CTNNB1: variants seen among roughly 807,000 people sequenced by gnomAD.
CTNNB1 encodes the protein catenin beta-1.
In CTNNB1, 6 loss-of-function variants were observed where a neutral mutation model predicts 82.5. The ratio of observed to expected loss-of-function variants is 0.07; its 90% CI spans 0.04 to 0.14. The LOEUF (loss-of-function observed/expected upper bound fraction) is 0.14. CTNNB1 is among the 10% of genes least tolerant of loss of function. The probability of loss-of-function intolerance (pLI) is 1.00; values close to 1 mark genes in which losing one functional copy is unlikely to be tolerated. For synonymous variants in CTNNB1, 312 were observed against 329.7 expected, an observed-to-expected ratio of 0.95 and a Z score of 0.58; for missense variants, 529 against 980.4, an observed-to-expected ratio of 0.54 and a Z score of 6.15.
chr3:41,239,559 T>A lies in CTNNB1; in HGVS notation c.*217T>A. 1.7e-6 allele frequency: 1 copy of A among 584,240 alleles called. No homozygotes were observed. The highest frequency in any genetic ancestry group is 3.1e-6 in the Non-Finnish European group (1 of 327,334). The allele number at this position is 584,240 out of a possible 1,614,324, so 36.2% of individuals were successfully genotyped here. On this transcript the variant is annotated 3_prime_UTR_variant, in exon 15 of 15. Coordinates refer to ENST00000349496, the MANE Select transcript of CTNNB1 (RefSeq NM_001904.4). ...GTTATGTGATCATGTGTGGAAGTTA[T>A]TAACTTTAATGTTTTTTGCCACAGC...
intron 7 of CTNNB1, among the ~76,000 whole-genome samples, chr3:41,230,347 GT>G (rs780258705): frequency 6.6e-5 from 10 of 152,158 alleles, no homozygotes; most frequent in Non-Finnish European, 1.3e-4. Flanking sequence ...ATCTCATAGT[GT>G]TTTATTTGAA....
chr3:41,234,576 A>T, intron 10 of CTNNB1: 2 of 449,008 alleles, frequency 4.5e-6, no homozygotes, highest in East Asian at 8.9e-5. Flanking sequence ...ATTTACACAA[A>T]GGCCCACTTC....
At chr3:41,216,810 C>A (rs549184195) in intron 1 of CTNNB1, among the ~76,000 whole-genome samples, 1 of 152,118 alleles carries the variant, frequency 6.6e-6, no homozygotes, top group South Asian at 2.1e-4. Context: ...TATGCAGATG[C>A]CTTGCATACT....
At chr3:41,229,220 A>C (rs531979659) in intron 7 of CTNNB1, among the ~76,000 whole-genome samples, 1 of 152,102 alleles carries the variant, frequency 6.6e-6, no homozygotes, top group Admixed American at 6.5e-5. Context: ...ATTTTTAAAT[A>C]GTTTTTTTTT....
intron 14 of CTNNB1, 85 bp downstream of exon 14, chr3:41,238,161 GA>G: frequency 8.1e-7 from 1 of 1,231,102 alleles, no homozygotes; most frequent in Non-Finnish European, 1.2e-6. Flanking sequence ...GCTCATCTGG[GA>G]AACCAGTGTT....
chr3:41,227,908 G>A (rs940748456), intron 7 of CTNNB1, among the ~76,000 whole-genome samples: 7 of 152,106 alleles, frequency 4.6e-5, no homozygotes, highest in Admixed American at 4.6e-4. Flanking sequence ...AGTGTCTGTT[G>A]TTCCCTTCTT....
chr3:41,206,092 TTTCCA>T (rs1258884824), intron 1 of CTNNB1, among the ~76,000 whole-genome samples: 1 of 152,194 alleles, frequency 6.6e-6, no homozygotes, highest in Non-Finnish European at 1.5e-5. Context: ...CCCCTATTTA[TTTCCA>T]TATTTTTATT....
At chr3:41,239,019 A>G in intron 14 of CTNNB1, 115 bp from the exon 15 acceptor site, 2 of 891,946 alleles carry the variant, frequency 2.2e-6, no homozygotes, top group Non-Finnish European at 3.7e-6. Flanking sequence ...TTTTCTGACA[A>G]GTTTGCTGCT....
At chr3:41,210,134 T>C (rs2077744901) in intron 1 of CTNNB1, among the ~76,000 whole-genome samples, 1 of 152,204 alleles carries the variant, frequency 6.6e-6, no homozygotes. Context: ...AAAATTACTT[T>C]TTACCTTTTA....
intron 9 of CTNNB1, 55 bp downstream of exon 9, chr3:41,233,922 C>G: frequency 6.3e-7 from 1 of 1,575,678 alleles, no homozygotes; most frequent in Non-Finnish European, 8.7e-7. Flanking sequence ...TGAAGCATCT[C>G]TAGCTGTTGG....
In CTNNB1 at chr3:41,210,828, C is replaced by A. The variant is rs150938759; in HGVS notation, c.-49+11158C>A. Among the ~76,000 whole-genome samples, 498 of 151,884 alleles carry A rather than the reference C, an allele frequency of 3.3e-3. 3 individuals are homozygous for A. Among genetic ancestry groups the A allele is most frequent in the Non-Finnish European group, 5.0e-3 (339 of 67,954 alleles). ...TTTTTGAGATGGCATCTCACTCTGT[C>A]ACCCAGGCTGGAGTGCAGTGGTGCG... On this transcript the variant is annotated intron_variant, in intron 1 of 14. Transcript: ENST00000349496.
At chr3:41,236,780 C>T in intron 13 of CTNNB1, 71 bp downstream of exon 13, 16 of 1,591,960 alleles carry the variant, frequency 1.0e-5, no homozygotes, top group Non-Finnish European at 1.4e-5. Context: ...TCTTTCCTCT[C>T]AAAACACTTA....
At chr3:41,228,453 C>T (rs1050254435) in intron 7 of CTNNB1, among the ~76,000 whole-genome samples, 6 of 152,160 alleles carry the variant, frequency 3.9e-5, no homozygotes, top group African/African-American at 1.2e-4. Context: ...TTTTGATTTG[C>T]ATTTCTCTAA....
At chr3:41,235,411 C>T (rs1207058558) in intron 10 of CTNNB1, 5 of 374,842 alleles carry the variant, frequency 1.3e-5, no homozygotes, top group East Asian at 5.3e-5. Flanking sequence ...ATTACTTTCT[C>T]ATCTTCTCTT....
intron 1 of CTNNB1, among the ~76,000 whole-genome samples, chr3:41,205,291 T>C (rs577286708): frequency 1.3e-5 from 2 of 152,370 alleles, no homozygotes; most frequent in East Asian, 3.8e-4. Flanking sequence ...TAAAAATTAA[T>C]TGAATATAAA....
At chr3:41,211,823 C>T (rs2077796105) in intron 1 of CTNNB1, among the ~76,000 whole-genome samples, 1 of 152,114 alleles carries the variant, frequency 6.6e-6, no homozygotes. Flanking sequence ...ATGGCTTTTG[C>T]CTATATTATT....
chr3:41,212,703 T>C (rs2077822421), intron 1 of CTNNB1, among the ~76,000 whole-genome samples: 1 of 152,242 alleles, frequency 6.6e-6, no homozygotes, highest in Non-Finnish European at 1.5e-5. Flanking sequence ...GTGGCAATTA[T>C]GTTGGAGAGT....
chr3:41,224,664 A>G lies in CTNNB1; in HGVS notation c.152A>G (p.Asn51Ser), dbSNP rs1171472831. 4 of 1,614,026 alleles carry G rather than the reference A, an allele frequency of 2.5e-6. No individual in the cohort carries two copies. Among genetic ancestry groups the G allele is most frequent in the South Asian group, 1.1e-5 (1 of 91,084 alleles). The change falls in exon 3 of 15, where the codon AAT becomes AGT. Residue 51 changes from asparagine (N) to serine (S), a missense_variant. Transcript: ENST00000349496. ...GCTCCTTCTCTGAGTGGTAAAGGCA[A>G]TCCTGAGGAAGAGGATGTGGATACC... ...TTAPSLSGKG[N>S]PEEEDVDTSQ... is the part of the protein sequence containing the mutation.
intron 11 of CTNNB1, chr3:41,236,139 C>T: frequency 1.3e-6 from 1 of 753,158 alleles, no homozygotes; most frequent in South Asian, 1.7e-5. Context: ...TTAGAGCTGC[C>T]TCTGAAGAAA....
Sources: allele counts gnomAD v4.1 joint callset (sites outside exome capture counted in the v4.1 genomes callset), GRCh38; gene constraint gnomAD v4.1.1; transcripts MANE v1.5; gene names NCBI Gene and HGNC (gene_info 2026-07-23, HGNC 2026-07-21).